ZNF782: variants seen among roughly 807,000 people sequenced by gnomAD.
ZNF782 encodes the protein zinc finger protein 782.
A neutral mutation model predicts 13.0 loss-of-function variants in ZNF782; 12 were observed. That is an observed-to-expected ratio of 0.92 (90% CI 0.59 to 1.50). ZNF782 has a LOEUF of 1.50. ZNF782 is among the 40% of genes most tolerant of loss of function. The pLI, the probability that ZNF782 is intolerant of heterozygous loss-of-function variation, is 0.00. For synonymous variants in ZNF782, 284 were observed against 283.0 expected (o/e 1.00, Z -0.04); for missense variants, 770 against 822.9 (o/e 0.94, Z 0.79).
rs1460166501 is a variant in ZNF782 at position 96,850,919 on chromosome 9, AAATAT to A, written c.15+1023_15+1027del. On this transcript the variant is annotated intron_variant, in intron 3 of 5. Coordinates refer to ENST00000481138, the MANE Select transcript of ZNF782 (RefSeq NM_001001662.3). This position sits in a 1 kb window ranked among gnomAD's most constrained non-coding sequence, Gnocchi z 4.3. ...ATTATGAAAACTTTTGCATCTTAAT[AAATAT>A]ATCTAAGTAAAGTGCTAAGTAAGTA... 6.6e-6 allele frequency among the ~76,000 whole-genome samples: 1 copy of A among 152,228 alleles called. No homozygotes were observed. Among genetic ancestry groups the A allele is most frequent in the African/African-American group, 2.4e-5 (1 of 41,474 alleles).
At chr9:96,834,784 G>A (rs780280874) in intron 4 of ZNF782, among the ~76,000 whole-genome samples, 3 of 152,202 alleles carry the variant, frequency 2.0e-5, no homozygotes, top group Non-Finnish European at 4.4e-5. Flanking sequence ...GGAGTGGGTT[G>A]TTGCTTTACA....
the ZNF782 span, among the ~76,000 whole-genome samples, chr9:96,922,064 CACGGAA>C: frequency 6.6e-6 from 1 of 151,254 alleles, no homozygotes; most frequent in Non-Finnish European, 1.5e-5. Flanking sequence ...TTCCAAGAAT[CACGGAA>C]ACAAAGCCTA....
upstream of ZNF782, among the ~76,000 whole-genome samples, chr9:96,856,117 ATTTG>A (rs1227803481): frequency 2.6e-5 from 4 of 151,816 alleles, no homozygotes; most frequent in African/African-American, 9.7e-5. Context: ...GATGAGATTG[ATTTG>A]TTTGAGTTCG....
chr9:96,867,651 C>T (rs1851775361), intron 1 of ZNF782, among the ~76,000 whole-genome samples: 1 of 152,154 alleles, frequency 6.6e-6, no homozygotes, highest in Non-Finnish European at 1.5e-5. Flanking sequence ...ATAGTGACGA[C>T]TAGTAAATGG....
chr9:96,818,204 C>G lies in ZNF782; in HGVS notation c.1819G>C (p.Gly607Arg). 6.2e-7 allele frequency: 1 copy of G among 1,612,914 alleles called. No individual in the cohort carries two copies. The highest frequency in any genetic ancestry group is 8.5e-7 in the Non-Finnish European group (1 of 1,179,722). ...KTFRQKSNLR[G>R]HQRTHTGEKP... ...TCCCCAGTGTGAGTTCTCTGATGCC[C>G]TCTGAGATTTGATTTCTGCCTGAAT... The change falls in exon 6 of 6, where the codon GGG (glycine) becomes CGG (arginine). Residue 607 changes from glycine (G) to arginine (R), a missense_variant. Gly to Arg is a moderately radical substitution (Grantham distance 125). Coordinates refer to ENST00000481138, the MANE Select transcript of ZNF782 (RefSeq NM_001001662.3).
intron 3 of ZNF782, 62 bp from the exon 4 acceptor site, chr9:96,845,078 G>C (rs551954738): frequency 1.3e-6 from 2 of 1,593,038 alleles, no homozygotes; most frequent in Non-Finnish European, 1.7e-6. Context: ...AAACGTTTTC[G>C]GAAACTAACT....
the ZNF782 span, among the ~76,000 whole-genome samples, chr9:96,882,745 T>C: frequency 1.2e-4 from 18 of 152,130 alleles, no homozygotes; most frequent in Non-Finnish European, 2.4e-4. Context: ...TTTAGTTACG[T>C]CTTATTGTAA....
At chr9:96,852,191 T>C (rs915332952) in intron 2 of ZNF782, among the ~76,000 whole-genome samples, 186 bp from the exon 3 acceptor site, 8 of 152,270 alleles carry the variant, frequency 5.3e-5, no homozygotes, top group African/African-American at 9.6e-5. Flanking sequence ...CTGAAATAAT[T>C]ATGGGGCTTA....
At chr9:96,874,917 C>A (rs991090195) in intron 1 of ZNF782, among the ~76,000 whole-genome samples, 1 of 152,208 alleles carries the variant, frequency 6.6e-6, no homozygotes, top group African/African-American at 2.4e-5. Context: ...AGTGGCTAGG[C>A]GCCTTCGTGT....
the ZNF782 span, among the ~76,000 whole-genome samples, chr9:96,918,313 G>C: frequency 7.7e-3 from 1,133 of 148,058 alleles, 24 homozygotes; most frequent in East Asian, 0.094. Context: ...GGGAAGCTGA[G>C]GGGGGAGAAT....
intron 1 of ZNF782, among the ~76,000 whole-genome samples, chr9:96,853,476 A>G (rs1348269956): frequency 2.0e-5 from 3 of 152,186 alleles, no homozygotes; most frequent in Non-Finnish European, 4.4e-5. Context: ...CTGTTCAAGG[A>G]GCCTGCGACC....
chr9:96,917,887 C>CGCGTGT, the ZNF782 span, among the ~76,000 whole-genome samples: 3 of 121,682 alleles, frequency 2.5e-5, no homozygotes, highest in African/African-American at 1.1e-4. Flanking sequence ...CCACCCTTGG[C>CGCGTGT]GTGTGTGTGT....
the ZNF782 span, among the ~76,000 whole-genome samples, chr9:96,881,816 C>G: frequency 6.6e-6 from 1 of 151,938 alleles, no homozygotes; most frequent in African/African-American, 2.4e-5. Context: ...ATCGTAAATA[C>G]TGTAGTTTTA....
the ZNF782 span, chr9:96,898,014 G>A: frequency 6.6e-6 from 1 of 150,622 alleles, no homozygotes; most frequent in Non-Finnish European, 1.5e-5. Flanking sequence ...GCCTCCACAA[G>A]TGACTCTCCT....
chr9:96,916,253 G>A, the ZNF782 span, among the ~76,000 whole-genome samples: 1 of 151,940 alleles, frequency 6.6e-6, no homozygotes, highest in Non-Finnish European at 1.5e-5. Flanking sequence ...GCACTTTGGA[G>A]ACTAAGGCGG....
At chr9:96,885,790 A>G in the ZNF782 span, among the ~76,000 whole-genome samples, 1 of 151,834 alleles carries the variant, frequency 6.6e-6, no homozygotes, top group Non-Finnish European at 1.5e-5. Flanking sequence ...TAAATAACTT[A>G]TTTTTCCTTC....
the ZNF782 span, among the ~76,000 whole-genome samples, chr9:96,882,928 T>A: frequency 6.6e-6 from 1 of 151,026 alleles, no homozygotes; most frequent in African/African-American, 2.4e-5. Context: ...TCTCTTTGAT[T>A]TGGATAATCC....
the ZNF782 span, among the ~76,000 whole-genome samples, chr9:96,929,667 G>A: frequency 5.3e-5 from 8 of 150,704 alleles, no homozygotes; most frequent in Non-Finnish European, 1.0e-4. Context: ...TTTAACAGGG[G>A]TGGGGGCAGA....
At chr9:96,894,687 T>C in the ZNF782 span, 1 of 152,154 alleles carries the variant, frequency 6.6e-6, no homozygotes, top group Non-Finnish European at 1.5e-5. Flanking sequence ...TGAACAAGTG[T>C]CATTGAAAAA....
Sources: allele counts gnomAD v4.1 joint callset (sites outside exome capture counted in the v4.1 genomes callset), GRCh38; gene constraint gnomAD v4.1.1; non-coding constraint Gnocchi (gnomAD v3.1); transcripts MANE v1.5; gene names NCBI Gene and HGNC (gene_info 2026-07-23, HGNC 2026-07-21).